The following FGD3 variants were observed in gnomAD, a reference collection of about 807,000 sequenced individuals.
FGD3 encodes FYVE, RhoGEF and PH domain-containing protein 3.
FGD3 carries 45 observed loss-of-function variants against 71.8 expected under a neutral mutation model. The ratio of observed to expected loss-of-function variants is 0.63; its 90% confidence interval spans 0.49 to 0.80. The LOEUF is 0.80. Among genes scored for constraint, FGD3 ranks in the 30% least tolerant of loss-of-function variants. The probability of loss-of-function intolerance (pLI) is 0.00; values close to 1 mark genes in which losing one functional copy is unlikely to be tolerated. For missense variants in FGD3, 844 were observed against 951.5 expected, an observed-to-expected ratio of 0.89 and a Z score of 1.49; for synonymous variants, 378 against 392.8, an observed-to-expected ratio of 0.96 and a Z score of 0.44.
At chr9:92,954,155 G>A (rs986126679) in intron 1 of FGD3, among the ~76,000 whole-genome samples, 5 of 152,114 alleles carry the variant, frequency 3.3e-5, no homozygotes, top group African/African-American at 1.2e-4. Context: ...TCTCTGCCAG[G>A]AGCTTTCATT....
At chr9:92,970,315 A>G (rs529544429) in intron 1 of FGD3, among the ~76,000 whole-genome samples, 180 of 152,336 alleles carry the variant, frequency 1.2e-3, no homozygotes, top group African/African-American at 4.0e-3. Context: ...TGCATTGTCA[A>G]CCTAAAATAA....
In FGD3 at chr9:93,011,366, T is replaced by TG. The variant is rs995696956; in HGVS notation, c.1035+100dup. The TG allele has an allele frequency of 5.9e-5, 88 of 1,480,112 alleles. No homozygotes were observed. The East Asian group carries it at 1.2e-3, about 21-fold the overall frequency. The allele number at this position is 1,480,112 out of a possible 1,614,324, so 91.7% of individuals were successfully genotyped here. A position where few individuals can be genotyped will look rare whatever the true frequency, so the allele number is the denominator to read the frequency against. On this transcript the variant is annotated intron_variant, in intron 8 of 17. Transcript: ENST00000375482. The stretch of plus-strand genomic sequence containing the variant: ...GGCCAGCCCCTTTGCCGCTATCCTT[T>TG]GGGGGGCTCCACAAGTGACTCTTTT...
intron 1 of FGD3, among the ~76,000 whole-genome samples, chr9:92,955,564 T>A (rs989398968): frequency 6.6e-6 from 1 of 152,130 alleles, no homozygotes; most frequent in Admixed American, 6.6e-5. Flanking sequence ...TATAGACACA[T>A]AAGAGATAAT....
At position 93,032,750 on chromosome 9, in the gene FGD3, C is replaced by T. The variant is rs770407680; in HGVS notation, c.1681-19C>T. The T allele has an allele frequency of 1.7e-5, 28 of 1,612,680 alleles. 1 individual carries two copies. Among genetic ancestry groups the T allele is most frequent in the Middle Eastern group, 1.6e-4 (1 of 6,074 alleles). On this transcript the variant is annotated intron_variant, in intron 15 of 17. Coordinates refer to ENST00000375482, the MANE Select transcript of FGD3 (RefSeq NM_001083536.2). Reference sequence around the variant, plus strand: ...TCTGTCCCAGGGTGCTGGGGTCACACGTGCCCTCTGTTTGGCAGGTCATCT... The same window carrying T: ...TCTGTCCCAGGGTGCTGGGGTCACATGTGCCCTCTGTTTGGCAGGTCATCT...
intron 3 of FGD3, among the ~76,000 whole-genome samples, chr9:92,995,761 A>G (rs1181526018): frequency 1.3e-5 from 2 of 152,166 alleles, no homozygotes; most frequent in Non-Finnish European, 2.9e-5. Context: ...GGTTCTGTTT[A>G]TATGATGGAT....
chr9:93,004,400 G>C (rs79938580), intron 5 of FGD3, among the ~76,000 whole-genome samples: 4,745 of 152,308 alleles, frequency 0.031, 267 homozygotes, highest in African/African-American at 0.11. Flanking sequence ...TTGGGGCTCT[G>C]AAACTAAAAT....
chr9:92,955,186 C>T (rs559235147), intron 1 of FGD3, among the ~76,000 whole-genome samples: 5 of 152,308 alleles, frequency 3.3e-5, no homozygotes, highest in South Asian at 2.1e-4. Context: ...TCTGAGATGA[C>T]GCTGAGGATT....
At chr9:92,967,256 C>T (rs1399129831) in intron 1 of FGD3, among the ~76,000 whole-genome samples, 7 of 152,220 alleles carry the variant, frequency 4.6e-5, no homozygotes, top group Non-Finnish European at 1.0e-4. Context: ...AGCCACCGTG[C>T]CCAGCCTCCT....
In FGD3 at chr9:93,011,073, C is replaced by T. The variant is rs904490950; in HGVS notation, c.977-141C>T. ...GTCACCCCCTTCCTCTGGGCCAGTCCTCTAGAGTAGCCCAGGCACCCTGGG... is the reference window on the plus strand; with the variant it reads ...GTCACCCCCTTCCTCTGGGCCAGTCTTCTAGAGTAGCCCAGGCACCCTGGG... On this transcript the variant is annotated intron_variant, in intron 7 of 17. Coordinates refer to ENST00000375482, the MANE Select transcript of FGD3 (RefSeq NM_001083536.2). The T allele has an allele frequency of 4.5e-5, 38 of 845,020 alleles. No homozygotes were observed. The South Asian group carries it at 4.8e-4, about 11-fold the overall frequency. The allele number at this position is 845,020 out of a possible 1,614,324, so 52.3% of individuals were successfully genotyped here.
chr9:93,005,569 C>T (rs2118707719), intron 5 of FGD3, among the ~76,000 whole-genome samples: 1 of 152,282 alleles, frequency 6.6e-6, no homozygotes, highest in Non-Finnish European at 1.5e-5. Flanking sequence ...AAATTATTTG[C>T]AAATCTCTGT....
chr9:93,034,177 C>T (rs1229770138), intron 16 of FGD3: 7 of 190,154 alleles, frequency 3.7e-5, no homozygotes, highest in Admixed American at 1.8e-4. Context: ...TGTGCACGCA[C>T]GTGCATGTAT....
chr9:92,981,418 A>T (rs1417354242), intron 3 of FGD3, among the ~76,000 whole-genome samples: 2 of 151,820 alleles, frequency 1.3e-5, no homozygotes, highest in Non-Finnish European at 2.9e-5. Context: ...GTATAATTTC[A>T]GTCTTTGTGT....
Position 93,035,755 on chromosome 9 carries a change from G to A in FGD3, c.*166G>A. 9.6e-7 allele frequency: 1 copy of A among 1,042,946 alleles called. No homozygotes were observed. Among genetic ancestry groups the A allele is most frequent in the Non-Finnish European group, 1.3e-6 (1 of 755,436 alleles). The allele number at this position is 1,042,946 out of a possible 1,614,324, so 64.6% of individuals were successfully genotyped here. A position where few individuals can be genotyped will look rare whatever the true frequency, so the allele number is the denominator to read the frequency against. Reference sequence around the variant, plus strand: ...GGAAGGAAACTGAGGCCCAGAGAGGGGCAACCACTGGCCAAGGGTCACCCA... The same window carrying A: ...GGAAGGAAACTGAGGCCCAGAGAGGAGCAACCACTGGCCAAGGGTCACCCA... On this transcript the variant is annotated 3_prime_UTR_variant, in exon 18 of 18. Coordinates refer to ENST00000375482, the MANE Select transcript of FGD3 (RefSeq NM_001083536.2).
chr9:93,017,110 A>C (rs921162235), intron 10 of FGD3, among the ~76,000 whole-genome samples: 4 of 152,148 alleles, frequency 2.6e-5, no homozygotes, highest in Non-Finnish European at 5.9e-5. Flanking sequence ...CTCTATAAAA[A>C]ATAAAAAATT....
chr9:93,028,995 GTTTTTTTTTTTTTTTTTTTTTT>G lies in FGD3; in HGVS notation c.1558-858_1558-837del, dbSNP rs869235976. On this transcript the variant is annotated intron_variant, in intron 14 of 17. Coordinates refer to ENST00000375482, the MANE Select transcript of FGD3 (RefSeq NM_001083536.2). ...CATGGCTTCCTCACATGTCCTCACA[GTTTTTTTTTTTTTTTTTTTTTT>G]TTTTTTTTTTTTTTTTTTTTGAGAC... 2.7e-3 allele frequency among the ~76,000 whole-genome samples: 142 copies of G among 51,748 alleles called. 1 individual carries two copies. The highest frequency in any genetic ancestry group is 0.023 in the South Asian group (24 of 1,066). 33.9% of individuals were successfully genotyped at this position (51,748 alleles called of 152,430 possible).
rs541486207 is a variant in FGD3 at position 93,018,075 on chromosome 9, T to C, written c.1276-61T>C. 25 of 1,491,720 alleles carry C rather than the reference T, an allele frequency of 1.7e-5. No individual in the cohort carries two copies. The Admixed American group carries it at 2.9e-4, about 17-fold the overall frequency. 92.4% of individuals were successfully genotyped at this position (1,491,720 alleles called of 1,614,324 possible). On this transcript the variant is annotated intron_variant, in intron 10 of 17. Coordinates refer to ENST00000375482, the MANE Select transcript of FGD3 (RefSeq NM_001083536.2). ...GGAAACACTTCTAAGTCAGAAAACA[T>C]GAGGCTGGAGCTAAAATGACCAGCT...
intron 1 of FGD3, among the ~76,000 whole-genome samples, chr9:92,959,065 T>A (rs1050027856): frequency 3.3e-5 from 5 of 152,194 alleles, no homozygotes; most frequent in African/African-American, 1.2e-4. Context: ...GTTCAAGCAA[T>A]TCTCCTGCCT....
At chr9:93,002,677 A>G (rs559394140) in intron 3 of FGD3, among the ~76,000 whole-genome samples, 14 of 152,272 alleles carry the variant, frequency 9.2e-5, no homozygotes, top group African/African-American at 3.4e-4. Context: ...TTAGTCCATC[A>G]TCTTGCTGAC....
At chr9:92,997,566 C>A (rs2118674751) in intron 3 of FGD3, among the ~76,000 whole-genome samples, 2 of 152,278 alleles carry the variant, frequency 1.3e-5, no homozygotes, top group South Asian at 4.1e-4. Context: ...TTCTTCCTAG[C>A]ATTGATGGTC....
Sources: gnomAD v4.1 joint callset for allele counts (sites outside exome capture counted in the v4.1 genomes callset) on GRCh38, gnomAD v4.1.1 for gene constraint, MANE v1.5 for transcripts, NCBI Gene and HGNC (gene_info 2026-07-23, HGNC 2026-07-21) for gene names.